The following ERI1 variants were observed in gnomAD, a reference collection of about 807,000 sequenced individuals.
ERI1 encodes 3'-5' exoribonuclease 1.
ERI1 carries 39 observed loss-of-function variants against 39.7 expected under a neutral mutation model. The observed-to-expected ratio is 0.98, with a 90% CI of 0.76 to 1.28. The LOEUF (loss-of-function observed/expected upper bound fraction) is 1.28. ERI1 is among the 50% of genes most tolerant of loss of function. The probability of loss-of-function intolerance (pLI) is 0.00; values close to 1 mark genes in which losing one functional copy is unlikely to be tolerated. For missense variants in ERI1, 581 were observed against 416.9 expected (o/e 1.39, Z -3.43); for synonymous variants, 204 against 149.6 (o/e 1.36, Z -2.65).
downstream of ERI1, among the ~76,000 whole-genome samples, chr8:9,033,965 T>A (rs1797752712): frequency 6.6e-6 from 1 of 152,278 alleles, no homozygotes; most frequent in Non-Finnish European, 1.5e-5. Flanking sequence ...AAAATACTGT[T>A]AACTTCTAAT....
chr8:9,036,834 T>C (rs1180393737), downstream of ERI1, among the ~76,000 whole-genome samples: 4 of 152,228 alleles, frequency 2.6e-5, no homozygotes, highest in Non-Finnish European at 4.4e-5. Flanking sequence ...GTGTCCATTC[T>C]TGCTTGCCGA....
rs116623936 is a variant in ERI1, at chr8:9,051,690, C to T, written n.299+31226C>T. Among the ~76,000 whole-genome samples the T allele has an allele frequency of 6.5e-3, 993 of 151,736 alleles. 14 individuals carry two copies. Among genetic ancestry groups the T allele is most frequent in the African/African-American group, 0.023 (931 of 41,344 alleles). The stretch of plus-strand genomic sequence containing the variant: ...AAAAAAGAAGCACGACTAAGGGAAA[C>T]GCCTTCCTCTTGGTCCTGCCTAGAA... On this transcript the variant is annotated intron_variant and non_coding_transcript_variant, in intron 3 of 3. Transcript: ENST00000518663.
At chr8:9,070,798 C>T (rs1799021987) in intron 3 of ERI1, among the ~76,000 whole-genome samples, 1 of 152,206 alleles carries the variant, frequency 6.6e-6, no homozygotes, top group Non-Finnish European at 1.5e-5. Context: ...TTTACTAAAG[C>T]TCCATGAACC....
intron 4 of ERI1, among the ~76,000 whole-genome samples, chr8:9,017,915 G>A (rs1164077679): frequency 6.6e-6 from 1 of 152,154 alleles, no homozygotes; most frequent in South Asian, 2.1e-4. Flanking sequence ...AGTATGCGTG[G>A]AAAATTGTGA....
intron 3 of ERI1, among the ~76,000 whole-genome samples, chr8:9,073,144 C>A (rs1400858668): frequency 6.6e-6 from 1 of 152,226 alleles, no homozygotes; most frequent in Non-Finnish European, 1.5e-5. Context: ...GCCTTCTCAG[C>A]CATAAACTTT....
chr8:9,067,127 CAT>C (rs1376802925), intron 3 of ERI1, among the ~76,000 whole-genome samples: 1 of 152,140 alleles, frequency 6.6e-6, no homozygotes, highest in Non-Finnish European at 1.5e-5. Context: ...AGTGATATGA[CAT>C]AAAATCGTTT....
intron 3 of ERI1, among the ~76,000 whole-genome samples, chr8:9,013,581 A>G (rs2100022): frequency 0.023 from 3,523 of 152,106 alleles, 52 homozygotes; most frequent in Admixed American, 0.058. Context: ...GATCTTATCT[A>G]GTTCCATAGC....
intron 4 of ERI1, among the ~76,000 whole-genome samples, chr8:9,017,188 C>T (rs971594864): frequency 2.0e-5 from 3 of 152,106 alleles, no homozygotes; most frequent in African/African-American, 7.2e-5. Context: ...TATAGGCACA[C>T]ACCACGATGA....
At chr8:9,050,231 G>T (rs1372867687) in intron 3 of ERI1, among the ~76,000 whole-genome samples, 1 of 152,022 alleles carries the variant, frequency 6.6e-6, no homozygotes, top group African/African-American at 2.4e-5. Flanking sequence ...GTCAAGGCTG[G>T]GCGCAGTGCC....
At chr8:9,063,620 G>A (rs952331852) in intron 3 of ERI1, among the ~76,000 whole-genome samples, 2 of 152,130 alleles carry the variant, frequency 1.3e-5, no homozygotes, top group Non-Finnish European at 2.9e-5. Context: ...AGGGAAAGAA[G>A]GAAGATTTGG....
chr8:9,008,620 T>G (rs1262599212), intron 2 of ERI1, among the ~76,000 whole-genome samples: 1 of 152,278 alleles, frequency 6.6e-6, no homozygotes, highest in Non-Finnish European at 1.5e-5. Flanking sequence ...GTTTGCATTA[T>G]GTTTCACTGT....
chr8:9,018,076 A>G (rs1817491366), intron 4 of ERI1, among the ~76,000 whole-genome samples: 1 of 152,172 alleles, frequency 6.6e-6, no homozygotes, highest in Non-Finnish European at 1.5e-5. Flanking sequence ...TTTTGGGAGG[A>G]TTATACTTTT....
chr8:9,086,909 TATAATCTATAAGTGTACACAGG>T (rs1235047462), intron 3 of ERI1, among the ~76,000 whole-genome samples: 2 of 152,236 alleles, frequency 1.3e-5, no homozygotes, highest in Non-Finnish European at 2.9e-5. Context: ...ATGCCTACAT[TATAATCTATAAGTGTACACAGG>T]AAAATTCTCA....
At chr8:9,049,025 A>C (rs924574906) in intron 3 of ERI1, among the ~76,000 whole-genome samples, 2 of 151,976 alleles carry the variant, frequency 1.3e-5, no homozygotes, top group Non-Finnish European at 2.9e-5. Context: ...CGTCCACATA[A>C]ATAATGTTTG....
In ERI1 at chr8:9,021,765, G is replaced by GTTTTTTTTTTTTTT. The variant is rs1161148984; in HGVS notation, c.807+1309_807+1310insTTTTTTTTTTTTTT. 1.2e-4 allele frequency among the ~76,000 whole-genome samples: 6 copies of GTTTTTTTTTTTTTT among 51,106 alleles called. 1 individual carries two copies. Among genetic ancestry groups the GTTTTTTTTTTTTTT allele is most frequent in the African/African-American group, 4.8e-4 (6 of 12,506 alleles). 33.5% of individuals were successfully genotyped at this position (51,106 alleles called of 152,430 possible). Reference sequence around the variant, plus strand: ...TAGTATTATACTGGCTATATTATTTGTTTTTTTTGTTTTTTTTTTTTTTTC... The same window carrying GTTTTTTTTTTTTTT: ...TAGTATTATACTGGCTATATTATTTGTTTTTTTTTTTTTTTTTTTTTTGTTTTTTTTTTTTTTTC... On this transcript the variant is annotated intron_variant, in intron 6 of 6. Coordinates refer to ENST00000250263, the MANE Select transcript of ERI1 (RefSeq NM_153332.4).
intron 3 of ERI1, among the ~76,000 whole-genome samples, chr8:9,045,928 C>T (rs1294029660): frequency 6.6e-6 from 1 of 152,120 alleles, no homozygotes; most frequent in African/African-American, 2.4e-5. Flanking sequence ...ATCCACCTGC[C>T]TCAGCCTCCC....
chr8:9,019,425 C>T (rs1172002164), intron 5 of ERI1, among the ~76,000 whole-genome samples: 2 of 152,176 alleles, frequency 1.3e-5, no homozygotes, highest in Non-Finnish European at 1.5e-5. Flanking sequence ...TGATTTTAAA[C>T]ATGAATGAGC....
Position 9,011,689 on chromosome 8 carries a change from T to C in ERI1, c.435T>C (p.Pro145=). ...FEATCEEGNP[P]EFVHEIIEFP... is the part of the protein sequence containing the mutation. ...CCACTTGTGAAGAAGGAAACCCACC[T>C]GAGTTTGTACATGAAATAATTGAAT... is the stretch of plus-strand genomic sequence containing the variant. Residue 145 remains proline (P), a synonymous_variant, in exon 3 of 7, where the codon CCT becomes CCC. Coordinates refer to ENST00000250263, the MANE Select transcript of ERI1 (RefSeq NM_153332.4). 6.2e-7 allele frequency: 1 copy of C among 1,612,688 alleles called. No homozygotes were observed. The highest frequency in any genetic ancestry group is 8.5e-7 in the Non-Finnish European group (1 of 1,179,130).
Position 9,033,132 on chromosome 8 carries a change from A to G in ERI1, c.*3098A>G, listed in dbSNP as rs1369425729. 1.3e-5 allele frequency: 2 copies of G among 152,172 alleles called. No homozygotes were observed. Among genetic ancestry groups the G allele is most frequent in the African/African-American group, 4.8e-5 (2 of 41,428 alleles). 9.4% of individuals were successfully genotyped at this position (152,172 alleles called of 1,614,324 possible). On this transcript the variant is annotated 3_prime_UTR_variant, in exon 7 of 7. Transcript: ENST00000250263. Reference sequence around the variant, plus strand: ...CCTGTATATCAAGCCTCCTTGCCCCACAAAGCTTCCAAAGCCCGTAAATTT... The same window carrying G: ...CCTGTATATCAAGCCTCCTTGCCCCGCAAAGCTTCCAAAGCCCGTAAATTT...
Sources: gnomAD v4.1 joint callset for allele counts (sites outside exome capture counted in the v4.1 genomes callset) on GRCh38, gnomAD v4.1.1 for gene constraint, MANE v1.5 for transcripts, NCBI Gene and HGNC (gene_info 2026-07-23, HGNC 2026-07-21) for gene names.